Variants in HDAC9 observed in about 807,000 individuals in gnomAD.
The protein encoded by HDAC9 is MEF-2 interacting transcription repressor (MITR) protein.
HDAC9 carries 41 observed loss-of-function variants against 139.4 expected under a neutral mutation model. The ratio of observed to expected loss-of-function variants is 0.29; its 90% CI spans 0.23 to 0.38. The LOEUF (loss-of-function observed/expected upper bound fraction) is 0.38. Ranked by LOEUF, HDAC9 falls within the 10% of genes least tolerant of loss-of-function variation. HDAC9 has a pLI of 1.00. For synonymous variants in HDAC9, 517 were observed against 476.2 expected (o/e 1.09, Z -1.12); for missense variants, 1,147 against 1,297.0 (o/e 0.88, Z 1.78).
At chr7:18,695,097 A>G (rs902960563) in intron 12 of HDAC9, among the ~76,000 whole-genome samples, 1 of 152,174 alleles carries the variant, frequency 6.6e-6, no homozygotes, top group Admixed American at 6.5e-5. Context: ...TTAAAGTTAC[A>G]CACTTTAGGA....
chr7:18,594,592 G>A (rs1831941144), intron 6 of HDAC9, among the ~76,000 whole-genome samples: 2 of 151,938 alleles, frequency 1.3e-5, no homozygotes, highest in Admixed American at 6.6e-5. Context: ...TGAAGTTAGG[G>A]GAAATAGCGC....
At chr7:18,937,791 G>A (rs10245269) in intron 23 of HDAC9, among the ~76,000 whole-genome samples, 6,173 of 152,252 alleles carry the variant, frequency 0.041, 392 homozygotes, top group African/African-American at 0.14. Context: ...AATGTTACCT[G>A]ATTGCAAAAG....
chr7:18,882,474 CAG>C lies in HDAC9; in HGVS notation c.2803+7880_2803+7881del, dbSNP rs367567660. 1.1e-3 allele frequency among the ~76,000 whole-genome samples: 169 copies of C among 152,086 alleles called. 1 individual carries two copies. The Middle Eastern group carries it at 0.014, about 12-fold the overall frequency. On this transcript the variant is annotated intron_variant, in intron 22 of 25. Transcript: ENST00000686413. ...GTGAGAAACTCATTTAATCTCTGCTCAGAAAACCAGGACATGGGAGATGATAG... is the reference window on the plus strand; with the variant it reads ...GTGAGAAACTCATTTAATCTCTGCTCAAAACCAGGACATGGGAGATGATAG...
chr7:18,856,661 T>G (rs1305506053), intron 21 of HDAC9, among the ~76,000 whole-genome samples: 1 of 152,192 alleles, frequency 6.6e-6, no homozygotes, highest in African/African-American at 2.4e-5. Flanking sequence ...AATTTCAGTT[T>G]ATGAGTTTGT....
intron 1 of HDAC9, among the ~76,000 whole-genome samples, chr7:18,365,631 C>T (rs999552890): frequency 2.4e-5 from 2 of 84,022 alleles, no homozygotes; most frequent in Non-Finnish European, 2.4e-5. Context: ...CTTTTATAGT[C>T]TTTATGACTT....
chr7:18,935,737 C>T, intron 22 of HDAC9, 72 bp from the exon 23 acceptor site: 1 of 1,381,656 alleles, frequency 7.2e-7, no homozygotes, highest in Non-Finnish European at 1.0e-6. Context: ...AAAATACATG[C>T]TCAATGTTAG....
At chr7:18,849,833 T>TAG (rs1797154627) in intron 21 of HDAC9, among the ~76,000 whole-genome samples, 6 of 152,180 alleles carry the variant, frequency 3.9e-5, no homozygotes, top group Non-Finnish European at 8.8e-5. Flanking sequence ...AGAAAAGAAC[T>TAG]TGGCTTTGGG....
At chr7:18,386,447 A>G (rs1265967619) in intron 1 of HDAC9, among the ~76,000 whole-genome samples, 3 of 152,246 alleles carry the variant, frequency 2.0e-5, no homozygotes, top group South Asian at 4.1e-4. Flanking sequence ...TTATTTTGCA[A>G]TGGCCTCTCT....
intron 17 of HDAC9, among the ~76,000 whole-genome samples, chr7:18,827,621 C>T (rs1179764529): frequency 6.6e-6 from 1 of 152,102 alleles, no homozygotes; most frequent in Non-Finnish European, 1.5e-5. Flanking sequence ...CTACTGGTTA[C>T]TGGGTGTTTT....
intron 11 of HDAC9, among the ~76,000 whole-genome samples, chr7:18,660,190 T>C (rs1272166125): frequency 6.6e-6 from 1 of 152,184 alleles, no homozygotes; most frequent in East Asian, 1.9e-4. Context: ...CTGAAGTTAA[T>C]TGAAAATTTT....
intron 1 of HDAC9, among the ~76,000 whole-genome samples, chr7:18,365,464 G>A (rs1784107417): frequency 6.6e-6 from 1 of 152,102 alleles, no homozygotes; most frequent in Non-Finnish European, 1.5e-5. Flanking sequence ...GGCCTTGTAT[G>A]AAATTATTGA....
At chr7:18,872,805 G>A (rs1186352331) in intron 21 of HDAC9, among the ~76,000 whole-genome samples, 2 of 151,972 alleles carry the variant, frequency 1.3e-5, no homozygotes, top group African/African-American at 4.8e-5. Flanking sequence ...TGAAGGATGG[G>A]GAAATACTGG....
intron 17 of HDAC9, among the ~76,000 whole-genome samples, chr7:18,798,292 A>G (rs1792984583): frequency 6.6e-6 from 1 of 152,224 alleles, no homozygotes; most frequent in African/African-American, 2.4e-5. Context: ...CTCCATAAAA[A>G]CAATGATAAA....
At chr7:18,864,232 C>T (rs2129237122) in intron 21 of HDAC9, among the ~76,000 whole-genome samples, 1 of 152,270 alleles carries the variant, frequency 6.6e-6, no homozygotes, top group Admixed American at 6.5e-5. Context: ...TATGTAACAA[C>T]ATGGATGAAC....
chr7:18,204,958 T>C (rs1369964621), intron 2 of HDAC9, among the ~76,000 whole-genome samples: 11 of 152,212 alleles, frequency 7.2e-5, no homozygotes, highest in Admixed American at 5.9e-4. Flanking sequence ...TTCAAAAAAA[T>C]ATTCAATTCT....
At chr7:18,256,579 A>C (rs966928199) in intron 2 of HDAC9, among the ~76,000 whole-genome samples, 1 of 152,218 alleles carries the variant, frequency 6.6e-6, no homozygotes, top group Non-Finnish European at 1.5e-5. Flanking sequence ...CAGTAATGGG[A>C]ACAATCATAA....
chr7:18,212,908 A>G (rs1792048099), intron 2 of HDAC9, among the ~76,000 whole-genome samples: 1 of 152,138 alleles, frequency 6.6e-6, no homozygotes, highest in Non-Finnish European at 1.5e-5. Context: ...ATAAAAATAG[A>G]TTTCTGGGAG....
intron 22 of HDAC9, among the ~76,000 whole-genome samples, chr7:18,879,599 C>T (rs982881800): frequency 2.0e-5 from 3 of 151,988 alleles, no homozygotes; most frequent in South Asian, 4.1e-4. Flanking sequence ...TGAGATAACT[C>T]GCTAGCCACA....
At chr7:18,120,554 A>C (rs1784308206) in intron 1 of HDAC9, among the ~76,000 whole-genome samples, 1 of 152,084 alleles carries the variant, frequency 6.6e-6, no homozygotes, top group African/African-American at 2.4e-5. Flanking sequence ...TTTTTAAGAT[A>C]AGAAGATCTG....
Sources: gnomAD v4.1 joint callset for allele counts (sites outside exome capture counted in the v4.1 genomes callset) on GRCh38, gnomAD v4.1.1 for gene constraint, MANE v1.5 for transcripts, NCBI Gene and HGNC (gene_info 2026-07-23, HGNC 2026-07-21) for gene names.